The following GSTA5 variants were observed in gnomAD, a reference collection of about 807,000 sequenced individuals.
GSTA5 encodes the protein glutathione S-transferase alpha 5.
In GSTA5, 25 loss-of-function variants were observed where a neutral mutation model predicts 21.8. The ratio of observed to expected loss-of-function variants is 1.14; its 90% confidence interval spans 0.83 to 1.60. The LOEUF (loss-of-function observed/expected upper bound fraction) is 1.60, where lower values mean the gene tolerates loss of function less well. Among genes scored for constraint, GSTA5 ranks in the 40% most tolerant of loss-of-function variants. The pLI is 0.00. For missense variants in GSTA5, 330 were observed against 259.2 expected, an observed-to-expected ratio of 1.27 and a Z score of -1.88; for synonymous variants, 102 against 89.5, an observed-to-expected ratio of 1.14 and a Z score of -0.78.
In GSTA5 at chr6:52,840,722, C is replaced by G. The variant is rs1418626436; in HGVS notation, c.87+5G>C. 4 of 1,613,204 alleles carry G rather than the reference C, an allele frequency of 2.5e-6. No individual in the cohort carries two copies. The East Asian group carries it at 8.9e-5, about 36-fold the overall frequency. On this transcript the variant is annotated splice_donor_5th_base_variant and intron_variant, in intron 1 of 5. Transcript: ENST00000370989. ...CAACTTAAGATGACCTTACTCAGAACCTACCTCTACTCCAGCTGCAGCCAG... is the reference window on the plus strand; with the variant it reads ...CAACTTAAGATGACCTTACTCAGAAGCTACCTCTACTCCAGCTGCAGCCAG...
intron 3 of GSTA5, among the ~76,000 whole-genome samples, chr6:52,835,126 A>G (rs1211563644): frequency 6.6e-6 from 1 of 152,118 alleles, no homozygotes; most frequent in East Asian, 1.9e-4. Flanking sequence ...TATTCTTATC[A>G]CCCTGATAAG....
chr6:52,843,151 T>C (rs1013396002), upstream of GSTA5, among the ~76,000 whole-genome samples: 4 of 152,236 alleles, frequency 2.6e-5, no homozygotes, highest in African/African-American at 7.2e-5. Flanking sequence ...CAGTCTATCA[T>C]TGATGGGCAT....
At chr6:52,843,155 T>C (rs1764405482), upstream of GSTA5, among the ~76,000 whole-genome samples, 1 of 152,234 alleles carries the variant, frequency 6.6e-6, no homozygotes, top group African/African-American at 2.4e-5. Context: ...CTATCATTGA[T>C]GGGCATTTGG....
chr6:52,843,633 T>G (rs185817613), upstream of GSTA5, among the ~76,000 whole-genome samples: 6 of 152,364 alleles, frequency 3.9e-5, no homozygotes, highest in Non-Finnish European at 8.8e-5. Context: ...GAAATCATAC[T>G]GAATCAACTT....
At chr6:52,834,950 T>C (rs1007348740) in intron 3 of GSTA5, among the ~76,000 whole-genome samples, 3 of 152,176 alleles carry the variant, frequency 2.0e-5, no homozygotes, top group Non-Finnish European at 4.4e-5. Flanking sequence ...CAGTGCAAAC[T>C]TTTCTTCTTT....
At chr6:52,835,249 C>A (rs1399922425) in intron 3 of GSTA5, among the ~76,000 whole-genome samples, 2 of 152,208 alleles carry the variant, frequency 1.3e-5, no homozygotes, top group African/African-American at 4.8e-5. Flanking sequence ...CTGGACATTT[C>A]ATACAAAAAG....
At chr6:52,840,916 A>G, upstream of GSTA5, 5 of 995,676 alleles carry the variant, frequency 5.0e-6, no homozygotes, top group South Asian at 8.0e-5. Context: ...GAAAACCACA[A>G]ACAATGCTGA....
intron 1 of GSTA5, among the ~76,000 whole-genome samples, chr6:52,837,932 T>C (rs1763670087): frequency 6.6e-6 from 1 of 152,240 alleles, no homozygotes; most frequent in South Asian, 2.1e-4. Context: ...GGTGTTGTCA[T>C]ATCTTAGTAA....
chr6:52,840,978 T>C (rs1561928017), upstream of GSTA5: 25 of 623,682 alleles, frequency 4.0e-5, no homozygotes. Flanking sequence ...TGGAATGTTT[T>C]CTTGGCTCAA....
At chr6:52,843,815 A>AAGC (rs370635050), upstream of GSTA5, among the ~76,000 whole-genome samples, 16 of 152,320 alleles carry the variant, frequency 1.1e-4, 1 homozygote, top group African/African-American at 3.8e-4. Flanking sequence ...TCCCCACACT[A>AAGC]AGCTCCCTTA....
chr6:52,843,974 G>C (rs1764419930), upstream of GSTA5, among the ~76,000 whole-genome samples: 1 of 152,060 alleles, frequency 6.6e-6, no homozygotes, highest in Admixed American at 6.6e-5. Flanking sequence ...GGTTACCGTT[G>C]AGCTTTGTTC....
upstream of GSTA5, among the ~76,000 whole-genome samples, chr6:52,845,368 G>A (rs1367277080): frequency 6.6e-6 from 1 of 152,128 alleles, no homozygotes; most frequent in African/African-American, 2.4e-5. Flanking sequence ...CTGCGGGGAG[G>A]GAGAGGGCGC....
At chr6:52,831,793 G>A (rs1352023935) in exon 6 of GSTA5, 50 of 1,603,828 alleles carry the variant, frequency 3.1e-5, no homozygotes, top group Non-Finnish European at 4.3e-5. Flanking sequence ...GCACTTCATT[G>A]TTGCAAACTG....
chr6:52,836,633 T>C (rs1011881056), intron 2 of GSTA5, among the ~76,000 whole-genome samples: 10 of 152,172 alleles, frequency 6.6e-5, no homozygotes, highest in Admixed American at 6.5e-4. Context: ...TACCTCAGCC[T>C]CCTGAGTAGC....
chr6:52,842,722 A>G (rs947724554), upstream of GSTA5, among the ~76,000 whole-genome samples: 7 of 152,188 alleles, frequency 4.6e-5, no homozygotes, highest in Non-Finnish European at 8.8e-5. Context: ...ATGTACTTCT[A>G]CAAAAGTATG....
the GSTA5 span, chr6:52,845,942 C>G: frequency 6.5e-6 from 1 of 152,964 alleles, no homozygotes; most frequent in Non-Finnish European, 1.5e-5. Flanking sequence ...CAAGATGGCA[C>G]GATATGAGTA....
At chr6:52,836,390 G>T in intron 2 of GSTA5, 22 bp from the exon 3 acceptor site, 1 of 1,609,110 alleles carries the variant, frequency 6.2e-7, no homozygotes, top group Non-Finnish European at 8.5e-7. Flanking sequence ...GAAAAAAAAA[G>T]GAGTATGAAG....
rs373026827 is a variant in GSTA5 at position 52,836,382 on chromosome 6, A to G, written c.140-14T>C. On this transcript the variant is annotated splice_polypyrimidine_tract_variant and intron_variant, in intron 2 of 5. Transcript: ENST00000370989. The stretch of plus-strand genomic sequence containing the variant: ...GCAAACTCCCATCTTAGAAAGAAGA[A>G]AAAAAAAGGAGTATGAAGTGTCTAT... 2 of 1,612,552 alleles carry G rather than the reference A, an allele frequency of 1.2e-6. No individual in the cohort carries two copies. Among genetic ancestry groups the G allele is most frequent in the East Asian group, 2.2e-5 (1 of 44,872 alleles).
chr6:52,843,019 G>A (rs1288095420), upstream of GSTA5, among the ~76,000 whole-genome samples: 4 of 152,098 alleles, frequency 2.6e-5, no homozygotes, highest in Non-Finnish European at 1.5e-5. Context: ...TTCTGTTCTT[G>A]TGATAGCTTA....
Sources: gnomAD v4.1 joint callset for allele counts (sites outside exome capture counted in the v4.1 genomes callset) on GRCh38, gnomAD v4.1.1 for gene constraint, MANE v1.5 for transcripts, NCBI Gene and HGNC (gene_info 2026-07-23, HGNC 2026-07-21) for gene names.